Variants in ADGRL2 observed in about 807,000 individuals in gnomAD.
ADGRL2 encodes the protein adhesion G protein-coupled receptor L2, also known as calcium-independent alpha-latrotoxin receptor 2.
ADGRL2 carries 44 observed loss-of-function variants against 157.4 expected under a neutral mutation model. That is an observed-to-expected ratio of 0.28 (90% CI 0.22 to 0.36). The LOEUF is 0.36. Among genes scored for constraint, ADGRL2 ranks in the 10% least tolerant of loss-of-function variants. ADGRL2 has a pLI of 1.00. For missense variants in ADGRL2, 1,510 were observed against 1,768.9 expected, an observed-to-expected ratio of 0.85 and a Z score of 2.63; for synonymous variants, 585 against 624.7, an observed-to-expected ratio of 0.94 and a Z score of 0.95.
At position 81,392,752 on chromosome 1, in the gene ADGRL2, C is replaced by T. The variant is rs977964094; in HGVS notation, c.-301-52284C>T. On this transcript the variant is annotated intron_variant, in intron 1 of 24. Transcript: ENST00000370721. The stretch of plus-strand genomic sequence containing the variant: ...GCAAAGTTTCTTTTTATTAGTTCAG[C>T]CTCTCTTTCTTATGTAATGCAGGGT... 2.0e-5 allele frequency among the ~76,000 whole-genome samples: 3 copies of T among 151,762 alleles called. No individual in the cohort carries two copies. The East Asian group carries it at 5.8e-4, about 29-fold the overall frequency.
At chr1:81,698,813 T>C (rs1416492598), upstream of ADGRL2, among the ~76,000 whole-genome samples, 4 of 152,238 alleles carry the variant, frequency 2.6e-5, no homozygotes, top group Admixed American at 6.5e-5. Context: ...GGCATGTTTC[T>C]AAAATCTGGT....
At chr1:81,581,931 G>A (rs1018710132) in intron 3 of ADGRL2, among the ~76,000 whole-genome samples, 5 of 151,036 alleles carry the variant, frequency 3.3e-5, no homozygotes, top group Non-Finnish European at 7.4e-5. Flanking sequence ...AGAAGTTAAG[G>A]GGAAACAGGA....
chr1:81,427,029 A>T (rs2077229804), intron 1 of ADGRL2: 1 of 1,098,964 alleles, frequency 9.1e-7, no homozygotes, highest in East Asian at 2.4e-5. Flanking sequence ...AGTTGATAAC[A>T]TTGTTATTCA....
intron 2 of ADGRL2, chr1:81,506,206 C>T (rs2078972691): frequency 6.6e-6 from 1 of 152,460 alleles, no homozygotes; most frequent in Non-Finnish European, 1.5e-5. Flanking sequence ...GAGGCCGCCT[C>T]ATTAAATATT....
intron 3 of ADGRL2, among the ~76,000 whole-genome samples, chr1:81,611,820 G>A (rs1389625079): frequency 6.6e-6 from 1 of 152,066 alleles, no homozygotes; most frequent in Non-Finnish European, 1.5e-5. Context: ...CACGTGTTGA[G>A]GAAGGGACCT....
chr1:81,382,319 T>G (rs1402741782), intron 1 of ADGRL2, among the ~76,000 whole-genome samples: 3 of 152,162 alleles, frequency 2.0e-5, no homozygotes, highest in African/African-American at 7.2e-5. Flanking sequence ...TATGAGATTT[T>G]TCAGTATTCC....
chr1:81,904,408 T>C (rs2094547227), intron 2 of ADGRL2, among the ~76,000 whole-genome samples: 1 of 152,290 alleles, frequency 6.6e-6, no homozygotes, highest in Non-Finnish European at 1.5e-5. Flanking sequence ...CTTAGTGCAA[T>C]TTCTGTTGCT....
chr1:81,374,578 G>GAAAAAAGAAAAAAAA (rs150082637), intron 1 of ADGRL2, among the ~76,000 whole-genome samples: 16 of 130,256 alleles, frequency 1.2e-4, no homozygotes, highest in African/African-American at 4.5e-4. Context: ...TCTCAAAAAA[G>GAAAAAAGAAAAAAAA]AAAAAAAAAA....
At chr1:81,625,013 G>C (rs185523817) in intron 3 of ADGRL2, among the ~76,000 whole-genome samples, 89 of 152,320 alleles carry the variant, frequency 5.8e-4, no homozygotes, top group African/African-American at 1.9e-3. Flanking sequence ...ACCTTGTGCT[G>C]TGTCTTTCTG....
intron 2 of ADGRL2, among the ~76,000 whole-genome samples, chr1:81,473,642 T>G (rs2078216174): frequency 6.6e-6 from 1 of 152,190 alleles, no homozygotes; most frequent in Non-Finnish European, 1.5e-5. Flanking sequence ...AAATGGTGCT[T>G]TAACCCTTAA....
chr1:81,797,729 G>C (rs571436014), upstream of ADGRL2, among the ~76,000 whole-genome samples: 58 of 152,242 alleles, frequency 3.8e-4, no homozygotes, highest in Admixed American at 3.2e-3. Flanking sequence ...CATAACGTCT[G>C]TACCAGAAAT....
At chr1:81,467,743 A>G (rs908360559) in intron 2 of ADGRL2, among the ~76,000 whole-genome samples, 1 of 152,178 alleles carries the variant, frequency 6.6e-6, no homozygotes, top group Non-Finnish European at 1.5e-5. Context: ...GACAGGTTCA[A>G]ACAGAAATGA....
At chr1:81,347,695 T>C (rs1662580676) in intron 1 of ADGRL2, among the ~76,000 whole-genome samples, 1 of 151,362 alleles carries the variant, frequency 6.6e-6, no homozygotes, top group Non-Finnish European at 1.5e-5. Flanking sequence ...TTGCAAAAAA[T>C]GAGAAAACTT....
chr1:81,738,455 TAGCCCAACC>T (rs1406956034), intron 1 of ADGRL2, among the ~76,000 whole-genome samples: 1 of 152,058 alleles, frequency 6.6e-6, no homozygotes, highest in Non-Finnish European at 1.5e-5. Flanking sequence ...TTTCTAGAGG[TAGCCCAACC>T]AGTTTAGGAA....
chr1:81,810,105 A>G (rs372434888), intron 1 of ADGRL2, among the ~76,000 whole-genome samples: 2 of 152,010 alleles, frequency 1.3e-5, no homozygotes, highest in South Asian at 4.2e-4. Flanking sequence ...GATGATAGTA[A>G]ATAGTGTCTA....
At chr1:81,589,882 G>GA (rs1557487080) in intron 3 of ADGRL2, among the ~76,000 whole-genome samples, 1 of 152,092 alleles carries the variant, frequency 6.6e-6, no homozygotes, top group Non-Finnish European at 1.5e-5. Context: ...TCAAGGACTA[G>GA]AAAAATGATC....
intron 1 of ADGRL2, among the ~76,000 whole-genome samples, chr1:81,312,165 G>A (rs1024529847): frequency 5.3e-5 from 8 of 152,228 alleles, no homozygotes; most frequent in Admixed American, 1.3e-4. Context: ...AGAATGTAAG[G>A]TGGCTTTTAA....
intron 3 of ADGRL2, among the ~76,000 whole-genome samples, chr1:81,625,401 G>T (rs561252321): frequency 6.6e-6 from 1 of 152,210 alleles, no homozygotes; most frequent in South Asian, 2.1e-4. Flanking sequence ...TAAGGGGTAT[G>T]TTGGGTGACC....
At chr1:81,616,679 C>CTTTTATTT (rs1491482868) in intron 3 of ADGRL2, among the ~76,000 whole-genome samples, 1 of 105,988 alleles carries the variant, frequency 9.4e-6, no homozygotes. Flanking sequence ...CTTTTCTTTT[C>CTTTTATTT]TTTTTTTTTT....
Sources: allele counts gnomAD v4.1 joint callset (sites outside exome capture counted in the v4.1 genomes callset), GRCh38; gene constraint gnomAD v4.1.1; transcripts MANE v1.5; gene names NCBI Gene and HGNC (gene_info 2026-07-23, HGNC 2026-07-21).